The following SLC9A3 variants were observed in gnomAD, a reference collection of about 807,000 sequenced individuals.
SLC9A3 encodes the protein sodium/hydrogen exchanger 3.
SLC9A3 carries 37 observed loss-of-function variants against 86.8 expected under a neutral mutation model. The ratio of observed to expected loss-of-function variants is 0.43; its 90% CI spans 0.33 to 0.56. The LOEUF (loss-of-function observed/expected upper bound fraction) is 0.56. Ranked by LOEUF, SLC9A3 falls within the 20% of genes least tolerant of loss-of-function variation. The pLI, the probability that SLC9A3 is intolerant of heterozygous loss-of-function variation, is 0.06. For missense variants in SLC9A3, 1,011 were observed against 1,171.9 expected (o/e 0.86, Z 2.00); for synonymous variants, 581 against 528.3 (o/e 1.10, Z -1.37).
At chr5:514,710 C>T (rs2126654357) in intron 1 of SLC9A3, among the ~76,000 whole-genome samples, 1 of 152,374 alleles carries the variant, frequency 6.6e-6, no homozygotes, top group Admixed American at 6.5e-5. Flanking sequence ...CTTTGTGTCA[C>T]CCCCAAAGCT....
chr5:483,552 C>T, intron 5 of SLC9A3, 70 bp from the exon 6 acceptor site: 2 of 1,103,166 alleles, frequency 1.8e-6, no homozygotes, highest in Non-Finnish European at 2.7e-6. Flanking sequence ...GTCCGCCCAG[C>T]CCCCCACGGC....
chr5:488,033 T>C (rs112340785), intron 3 of SLC9A3, among the ~76,000 whole-genome samples: 8,474 of 152,280 alleles, frequency 0.056, 778 homozygotes, highest in African/African-American at 0.19. Context: ...TCACAGACGC[T>C]CTGGGGACCA....
chr5:508,058 T>C (rs2126647829), intron 1 of SLC9A3, among the ~76,000 whole-genome samples: 2 of 152,290 alleles, frequency 1.3e-5, no homozygotes, highest in South Asian at 4.1e-4. Flanking sequence ...CAGTTCCCAT[T>C]CGGCTTCTTG....
At chr5:502,546 G>A (rs1342293795) in intron 1 of SLC9A3, among the ~76,000 whole-genome samples, 1 of 152,228 alleles carries the variant, frequency 6.6e-6, no homozygotes, top group Non-Finnish European at 1.5e-5. Context: ...CACGTGAAGT[G>A]GGAATGTGGC....
rs566869536 is a variant in SLC9A3, at chr5:497,888, T to C, written c.212-5817A>G. 1.9e-3 allele frequency among the ~76,000 whole-genome samples: 285 copies of C among 147,742 alleles called. 6 individuals are homozygous for C. Among genetic ancestry groups the C allele is most frequent in the African/African-American group, 6.8e-3 (270 of 39,862 alleles). ...GCCGCATCCCCAGCCTCTGCCCCTG[T>C]CCCGGGTGGGGTCGCCCGGCCGCAT... On this transcript the variant is annotated intron_variant, in intron 1 of 16. Coordinates refer to ENST00000264938, the MANE Select transcript of SLC9A3 (RefSeq NM_004174.4). The surrounding 1 kb of genome is among the most constrained non-coding windows in gnomAD (Gnocchi z 5.4).
At chr5:523,661 A>C (rs1248342894) in intron 1 of SLC9A3, among the ~76,000 whole-genome samples, 2 of 151,506 alleles carry the variant, frequency 1.3e-5, no homozygotes, top group Non-Finnish European at 2.9e-5. Context: ...TGTAGGGAGG[A>C]TTCTGCTGGG....
At chr5:478,533 G>A (rs1404801688) in intron 10 of SLC9A3, 2 of 153,642 alleles carry the variant, frequency 1.3e-5, no homozygotes, top group African/African-American at 4.8e-5. Context: ...TGCCACCCCA[G>A]GTGTGGGGAC....
In SLC9A3 at chr5:477,328, A is replaced by G. The variant is rs1560950110; in HGVS notation, c.1760+4T>C. ...AGGGAAGCTGCATGACCATGGCCAC[A>G]TACAGGAGGTAGGAGACAGAGGCCT... On this transcript the variant is annotated splice_donor_region_variant and intron_variant, in intron 11 of 16. Transcript: ENST00000264938. 3.1e-6 allele frequency: 5 copies of G among 1,589,588 alleles called. No homozygotes were observed. The highest frequency in any genetic ancestry group is 3.4e-5 in the Admixed American group (2 of 58,118).
In SLC9A3 at chr5:476,824, A is replaced by T. The variant is rs1166755956; in HGVS notation, c.1761-152T>A. The T allele has an allele frequency of 1.2e-5, 11 of 921,826 alleles. No homozygotes were observed. In the African/African-American group the frequency reaches 1.3e-4, roughly 11 times the overall value. 57.1% of individuals were successfully genotyped at this position (921,826 alleles called of 1,614,324 possible). A position where few individuals can be genotyped will look rare whatever the true frequency, so the allele number is the denominator to read the frequency against. On this transcript the variant is annotated intron_variant, in intron 11 of 16. Transcript: ENST00000264938. Reference sequence around the variant, plus strand: ...GGGCACCCGGCTGGGGCACGGGGACATCTGCCATCTGGCCAGCCCCTTCTC... The same window carrying T: ...GGGCACCCGGCTGGGGCACGGGGACTTCTGCCATCTGGCCAGCCCCTTCTC...
At position 472,029 on chromosome 5, in the gene SLC9A3, C is replaced by G; in HGVS notation, c.*1350G>C. ...TGCGAGTCTAGCTTTAGAAAAGCCC[C>G]TAGGAGTGTCCACCTCCACCACTTC... On this transcript the variant is annotated 3_prime_UTR_variant, in exon 17 of 17. Transcript: ENST00000264938. 1 of 456,320 alleles carries G rather than the reference C, an allele frequency of 2.2e-6. No homozygotes were observed. Among genetic ancestry groups the G allele is most frequent in the South Asian group, 1.5e-5 (1 of 64,550 alleles). 28.3% of individuals were successfully genotyped at this position (456,320 alleles called of 1,614,324 possible).
chr5:492,451 C>G (rs183805676), intron 1 of SLC9A3, among the ~76,000 whole-genome samples: 1 of 98,258 alleles, frequency 1.0e-5, no homozygotes, highest in Non-Finnish European at 2.1e-5. Context: ...GGGCAGAGCC[C>G]TCGGGGGAGG....
rs2126603749 is a variant in SLC9A3, at chr5:475,622, C to T, written c.2190G>A (p.Met730Ile). The stretch of plus-strand genomic sequence containing the variant: ...TAGCCAGGAACTCGATCCCCCCACT[C>T]ATCTCCTCATCATAGTTGGGGGGCT... ...TEEPPNYDEE[M>I]SGGIEFLASV... is the part of the protein sequence containing the mutation. The change falls in exon 15 of 17, where the codon ATG becomes ATA. Residue 730 changes from methionine (M) to isoleucine (I), a missense_variant. By Grantham distance (10) the Met-to-Ile change is conservative. Coordinates refer to ENST00000264938, the MANE Select transcript of SLC9A3 (RefSeq NM_004174.4). 2 of 1,552,488 alleles carry T rather than the reference C, an allele frequency of 1.3e-6. No individual in the cohort carries two copies. Among genetic ancestry groups the T allele is most frequent in the Non-Finnish European group, 1.7e-6 (2 of 1,147,198 alleles).
chr5:508,124 C>T (rs1427954230), intron 1 of SLC9A3, among the ~76,000 whole-genome samples: 1 of 152,248 alleles, frequency 6.6e-6, no homozygotes, highest in Admixed American at 6.5e-5. Flanking sequence ...TGCTCAGGCG[C>T]GGAGCCCAGC....
At chr5:506,179 C>T (rs372619677) in intron 1 of SLC9A3, among the ~76,000 whole-genome samples, 19 of 152,200 alleles carry the variant, frequency 1.2e-4, no homozygotes, top group East Asian at 9.7e-4. Flanking sequence ...GTCCTGCCCG[C>T]GAAGCCAGGA....
At chr5:519,916 C>T (rs369961760) in intron 1 of SLC9A3, among the ~76,000 whole-genome samples, 67 of 152,300 alleles carry the variant, frequency 4.4e-4, no homozygotes, top group African/African-American at 1.4e-3. Flanking sequence ...TACGGCTGCG[C>T]GAGGCACTGC....
Position 472,736 on chromosome 5 carries a change from G to C in SLC9A3, c.*643C>G, listed in dbSNP as rs1188553986. ...ACGGCGCTCGGCCCAGGCCGCTTGC[G>C]GGCGCTGGGCCTGCAGCCGCTGCAG... On this transcript the variant is annotated 3_prime_UTR_variant, in exon 17 of 17. Transcript: ENST00000264938. 1 of 576,008 alleles carries C rather than the reference G, an allele frequency of 1.7e-6. No homozygotes were observed. Among genetic ancestry groups the C allele is most frequent in the Non-Finnish European group, 3.3e-6 (1 of 303,998 alleles). The allele number at this position is 576,008 out of a possible 1,614,324, so 35.7% of individuals were successfully genotyped here.
chr5:483,607 C>T (rs1321721331), intron 5 of SLC9A3, 125 bp from the exon 6 acceptor site: 4 of 711,934 alleles, frequency 5.6e-6, no homozygotes, highest in Non-Finnish European at 7.2e-6. Context: ...GTTACGGGGG[C>T]CTCTTCCTCC....
chr5:501,312 T>C (rs1045634866), intron 1 of SLC9A3, among the ~76,000 whole-genome samples: 10 of 152,122 alleles, frequency 6.6e-5, no homozygotes, highest in Non-Finnish European at 1.3e-4. Flanking sequence ...CAAGGACCTT[T>C]CAAGGTGGCA....
At position 472,725 on chromosome 5, in the gene SLC9A3, A is replaced by C. The variant is rs1738434278; in HGVS notation, c.*654T>G. The stretch of plus-strand genomic sequence containing the variant: ...AGGGCCTGGAAACGGCGCTCGGCCC[A>C]GGCCGCTTGCGGGCGCTGGGCCTGC... On this transcript the variant is annotated 3_prime_UTR_variant, in exon 17 of 17. Coordinates refer to ENST00000264938, the MANE Select transcript of SLC9A3 (RefSeq NM_004174.4). The C allele has an allele frequency of 1.8e-6, 1 of 569,660 alleles. No homozygotes were observed. The highest frequency in any genetic ancestry group is 3.3e-6 in the Non-Finnish European group (1 of 299,956). 35.3% of individuals were successfully genotyped at this position (569,660 alleles called of 1,614,324 possible).
Sources: allele counts gnomAD v4.1 joint callset (sites outside exome capture counted in the v4.1 genomes callset), GRCh38; gene constraint gnomAD v4.1.1; non-coding constraint Gnocchi (gnomAD v3.1); transcripts MANE v1.5; gene names NCBI Gene and HGNC (gene_info 2026-07-23, HGNC 2026-07-21).